Variants in CEP70 observed in about 807,000 individuals in gnomAD.
CEP70 encodes the protein centrosomal protein of 70 kDa.
CEP70 carries 70 observed loss-of-function variants against 90.9 expected under a neutral mutation model. The observed-to-expected ratio is 0.77, with a 90% CI of 0.64 to 0.94. The LOEUF (loss-of-function observed/expected upper bound fraction) is 0.94. Ranked by LOEUF, CEP70 falls within the 40% of genes least tolerant of loss-of-function variation. CEP70 has a pLI of 0.00. For synonymous variants in CEP70, 220 were observed against 228.3 expected, an observed-to-expected ratio of 0.96 and a Z score of 0.33; for missense variants, 648 against 669.0, an observed-to-expected ratio of 0.97 and a Z score of 0.35.
Position 138,494,928 on chromosome 3 carries a change from C to A in CEP70, c.*87G>T. On this transcript the variant is annotated 3_prime_UTR_variant, in exon 18 of 18. Transcript: ENST00000264982. Reference sequence around the variant, plus strand: ...GAATTCTGAGAGCAAATACATTTTACAACCCTTGTCTCAAAATAAGATCAA... The same window carrying A: ...GAATTCTGAGAGCAAATACATTTTAAAACCCTTGTCTCAAAATAAGATCAA... The A allele has an allele frequency of 1.3e-6, 1 of 743,138 alleles. No homozygotes were observed. The highest frequency in any genetic ancestry group is 1.6e-5 in the South Asian group (1 of 61,982). 46.0% of individuals were successfully genotyped at this position (743,138 alleles called of 1,614,324 possible).
intron 11 of CEP70, among the ~76,000 whole-genome samples, chr3:138,521,678 C>T (rs191822283): frequency 4.2e-4 from 64 of 150,772 alleles, no homozygotes; most frequent in Admixed American, 8.6e-4. Flanking sequence ...TGAGGAGCGC[C>T]TCTGCCCGGC....
intron 6 of CEP70, among the ~76,000 whole-genome samples, chr3:138,555,211 C>T (rs143413564): frequency 6.1e-5 from 9 of 147,930 alleles, no homozygotes; most frequent in Admixed American, 2.0e-4. Flanking sequence ...AGTATGCCAT[C>T]GCACTCCAGT....
chr3:138,536,044 T>C lies in CEP70; in HGVS notation c.635+1134A>G, dbSNP rs370656560. Among the ~76,000 whole-genome samples, 3 of 152,274 alleles carry C rather than the reference T, an allele frequency of 2.0e-5. No individual in the cohort carries two copies. The East Asian group carries it at 5.8e-4, about 29-fold the overall frequency. ...ATAGTTTTAACTTGTTTTTACTTTA[T>C]ATCTGACCTCATTTATTTTTATTGT... On this transcript the variant is annotated intron_variant, in intron 7 of 17. Coordinates refer to ENST00000264982, the MANE Select transcript of CEP70 (RefSeq NM_024491.4).
At chr3:138,515,561 T>C (rs1203779730) in intron 11 of CEP70, among the ~76,000 whole-genome samples, 2 of 151,142 alleles carry the variant, frequency 1.3e-5, no homozygotes, top group African/African-American at 4.9e-5. Context: ...CAGATCATCA[T>C]CTTGTTTGAA....
In CEP70 at chr3:138,537,226, ACT is replaced by A. The variant is rs1236729962; in HGVS notation, c.585_586del (p.Arg195SerfsTer16). 1.9e-6 allele frequency: 3 copies of A among 1,603,314 alleles called. No homozygotes were observed. The highest frequency in any genetic ancestry group is 4.5e-5 in the East Asian group (2 of 44,226). ...AACTCTTTTGCACAGATAGGCAAAC[ACT>A]CTGTTTTGAGTGACAATGCGATCTT... On this transcript the variant is annotated frameshift_variant, in exon 7 of 18. Coordinates refer to ENST00000264982, the MANE Select transcript of CEP70 (RefSeq NM_024491.4). LOFTEE classifies it high-confidence loss of function.
chr3:138,554,743 A>G (rs969031018), intron 6 of CEP70, among the ~76,000 whole-genome samples: 27 of 152,344 alleles, frequency 1.8e-4, no homozygotes, highest in African/African-American at 6.5e-4. Context: ...AGTACTTAAG[A>G]ATATACCTAA....
At chr3:138,554,164 G>A (rs943204609) in intron 6 of CEP70, among the ~76,000 whole-genome samples, 8 of 149,654 alleles carry the variant, frequency 5.3e-5, no homozygotes, top group African/African-American at 2.0e-4. Context: ...TCATGCCACC[G>A]CACTCTAGCC....
intron 5 of CEP70, 137 bp downstream of exon 5, chr3:138,570,897 T>C (rs2041127611): frequency 1.5e-6 from 1 of 676,400 alleles, no homozygotes; most frequent in African/African-American, 1.9e-5. Flanking sequence ...ATTTACCTAT[T>C]AAAATTTTAC....
At position 138,500,175 on chromosome 3, in the gene CEP70, A is replaced by G. The variant is rs1290560703; in HGVS notation, c.1587T>C (p.Cys529=). 1 of 1,613,920 alleles carries G rather than the reference A, an allele frequency of 6.2e-7. No homozygotes were observed. Among genetic ancestry groups the G allele is most frequent in the Admixed American group, 1.7e-5 (1 of 60,030 alleles). The change falls in exon 16 of 18, where the codon TGT becomes TGC. Residue 529 remains cysteine, a synonymous_variant. Coordinates refer to ENST00000264982, the MANE Select transcript of CEP70 (RefSeq NM_024491.4). ...CATTCACATCTTCATTAATCAGCCT[A>G]CAGAGTTTTCCAACAGTGCTTACTA... ...CVLVSTVGKL[C]RLINEDVNEQ... is the part of the protein sequence containing the mutation.
intron 11 of CEP70, among the ~76,000 whole-genome samples, chr3:138,513,963 A>T (rs2035767688): frequency 6.6e-6 from 1 of 150,876 alleles, no homozygotes; most frequent in Non-Finnish European, 1.5e-5. Flanking sequence ...AAAAAAAAAA[A>T]ACAAACAAAC....
chr3:138,502,497 C>T (rs893368821), intron 13 of CEP70, among the ~76,000 whole-genome samples: 1 of 151,814 alleles, frequency 6.6e-6, no homozygotes, highest in Non-Finnish European at 1.5e-5. Flanking sequence ...GCAATAAATT[C>T]CATGTCAAAT....
At position 138,591,942 on chromosome 3, in the gene CEP70, A is replaced by G. The variant is rs1039517421; in HGVS notation, c.-94T>C. 9.3e-7 allele frequency: 1 copy of G among 1,070,658 alleles called. No homozygotes were observed. Among genetic ancestry groups the G allele is most frequent in the African/African-American group, 1.6e-5 (1 of 60,642 alleles). 66.3% of individuals were successfully genotyped at this position (1,070,658 alleles called of 1,614,324 possible). On this transcript the variant is annotated 5_prime_UTR_variant, in exon 2 of 18. Transcript: ENST00000264982. ...GATCACCCAACGAGTCTCATGTCTG[A>G]AACTGGATCTTCATCTAGGTTTCAA...
chr3:138,582,957 C>T (rs2041941619), intron 2 of CEP70, among the ~76,000 whole-genome samples: 1 of 151,758 alleles, frequency 6.6e-6, no homozygotes, highest in African/African-American at 2.4e-5. Flanking sequence ...AAGAGAAGAC[C>T]ACAAAACAAC....
chr3:138,551,270 G>A (rs986990937), intron 6 of CEP70, among the ~76,000 whole-genome samples: 1 of 152,162 alleles, frequency 6.6e-6, no homozygotes, highest in Non-Finnish European at 1.5e-5. Context: ...GAGAAACTAA[G>A]CTTCACAAAG....
intron 6 of CEP70, among the ~76,000 whole-genome samples, chr3:138,541,312 T>C (rs1302165260): frequency 6.6e-6 from 1 of 150,438 alleles, no homozygotes; most frequent in African/African-American, 2.5e-5. Context: ...AAACAAAATA[T>C]AAAGGAGCTC....
intron 16 of CEP70, 83 bp downstream of exon 16, chr3:138,500,027 C>A (rs1307231975): frequency 8.8e-6 from 8 of 908,682 alleles, no homozygotes; most frequent in Non-Finnish European, 1.3e-5. Context: ...CCACATCAGC[C>A]TCCCAAGTAG....
chr3:138,556,252 G>A (rs934161914), intron 6 of CEP70, among the ~76,000 whole-genome samples: 9 of 152,082 alleles, frequency 5.9e-5, no homozygotes, highest in Non-Finnish European at 8.8e-5. Context: ...ACAACGGGCC[G>A]GGCACGGTGG....
At chr3:138,540,207 A>AT (rs2038636029) in intron 6 of CEP70, among the ~76,000 whole-genome samples, 1 of 152,128 alleles carries the variant, frequency 6.6e-6, no homozygotes, top group Non-Finnish European at 1.5e-5. Context: ...TAAAAAAAAA[A>AT]GCTTAGGCCA....
chr3:138,527,842 C>T (rs2037430369), intron 10 of CEP70, among the ~76,000 whole-genome samples: 1 of 152,142 alleles, frequency 6.6e-6, no homozygotes, highest in South Asian at 2.1e-4. Flanking sequence ...GTATGAGCCA[C>T]TGCACCTAGC....
Sources: gnomAD v4.1 joint callset for allele counts (sites outside exome capture counted in the v4.1 genomes callset) on GRCh38, gnomAD v4.1.1 for gene constraint, MANE v1.5 for transcripts, NCBI Gene and HGNC (gene_info 2026-07-23, HGNC 2026-07-21) for gene names.